Variants in ARK2C observed in about 807,000 individuals in gnomAD.
ARK2C encodes the protein E3 ubiquitin-protein ligase ARK2C.
the ARK2C span, among the ~76,000 whole-genome samples, chr18:46,353,396 G>A: frequency 1.1e-4 from 17 of 152,306 alleles, no homozygotes; most frequent in East Asian, 1.9e-4. Context: ...TGTCTGGGCC[G>A]TGAGTCAGGC....
the ARK2C span, chr18:46,336,082 G>T: frequency 1.0e-6 from 1 of 985,274 alleles, no homozygotes; most frequent in Non-Finnish European, 1.2e-6. Context: ...GAAGAAAGAG[G>T]GGGGCTGGAT....
the ARK2C span, among the ~76,000 whole-genome samples, chr18:46,420,161 A>G: frequency 6.6e-6 from 1 of 152,154 alleles, no homozygotes; most frequent in Non-Finnish European, 1.5e-5. Flanking sequence ...AAATCCCACC[A>G]TTAGAACTTC....
At chr18:46,350,455 G>A in the ARK2C span, among the ~76,000 whole-genome samples, 7 of 152,346 alleles carry the variant, frequency 4.6e-5, no homozygotes, top group East Asian at 5.8e-4. Context: ...TGTCAGTAGA[G>A]CATGAGAGAA....
the ARK2C span, among the ~76,000 whole-genome samples, chr18:46,403,296 T>A: frequency 6.6e-6 from 1 of 152,164 alleles, no homozygotes; most frequent in Non-Finnish European, 1.5e-5. Context: ...GTTAAGTAAC[T>A]GATGGAAATG....
At chr18:46,386,605 T>A in the ARK2C span, 1 of 152,180 alleles carries the variant, frequency 6.6e-6, no homozygotes, top group African/African-American at 2.4e-5. Flanking sequence ...CATCATTCCA[T>A]CCGGCAGATA....
chr18:46,334,442 G>A, the ARK2C span: 6 of 933,452 alleles, frequency 6.4e-6, no homozygotes, highest in Non-Finnish European at 8.8e-6. This position sits in a 1 kb window ranked among gnomAD's most constrained non-coding sequence, Gnocchi z 4.4. Flanking sequence ...CACCCGCGAG[G>A]ACGCAGGGCG....
chr18:46,347,475 C>A, the ARK2C span, among the ~76,000 whole-genome samples: 1 of 152,132 alleles, frequency 6.6e-6, no homozygotes, highest in Non-Finnish European at 1.5e-5. Flanking sequence ...GTGGAGGGGT[C>A]GCTGCTCGAG....
chr18:46,440,871 T>C, the ARK2C span, among the ~76,000 whole-genome samples: 2 of 152,168 alleles, frequency 1.3e-5, no homozygotes, highest in Admixed American at 1.3e-4. Context: ...GTTTTTTTTT[T>C]CCTTGAAATG....
the ARK2C span, among the ~76,000 whole-genome samples, chr18:46,402,947 G>A: frequency 3.3e-5 from 5 of 152,184 alleles, no homozygotes; most frequent in Admixed American, 3.3e-4. Flanking sequence ...AACACCATGG[G>A]TTTAATTAAT....
the ARK2C span, among the ~76,000 whole-genome samples, chr18:46,357,983 ACAGTGTCT>A: frequency 2.6e-5 from 4 of 152,104 alleles, no homozygotes; most frequent in Admixed American, 1.3e-4. Context: ...CTCTGTTGTC[ACAGTGTCT>A]CAGTGTCTCC....
the ARK2C span, among the ~76,000 whole-genome samples, chr18:46,406,780 G>A: frequency 1.3e-5 from 2 of 152,226 alleles, no homozygotes; most frequent in Non-Finnish European, 2.9e-5. Context: ...TCCTCATCCT[G>A]TCCCACAGGG....
At chr18:46,342,757 T>G in the ARK2C span, among the ~76,000 whole-genome samples, 1 of 152,228 alleles carries the variant, frequency 6.6e-6, no homozygotes, top group South Asian at 2.1e-4. Context: ...TGTATCTATG[T>G]TGTTTCATGG....
the ARK2C span, among the ~76,000 whole-genome samples, chr18:46,445,109 G>A: frequency 6.6e-6 from 1 of 152,044 alleles, no homozygotes; most frequent in Non-Finnish European, 1.5e-5. Flanking sequence ...TTTATTGAAT[G>A]ATGAACATCA....
chr18:46,441,327 C>T, the ARK2C span, among the ~76,000 whole-genome samples: 4 of 152,190 alleles, frequency 2.6e-5, no homozygotes, highest in South Asian at 6.2e-4. Flanking sequence ...CCAAATGATT[C>T]TCCTGCCTTA....
At chr18:46,338,969 C>T in the ARK2C span, among the ~76,000 whole-genome samples, 1 of 152,188 alleles carries the variant, frequency 6.6e-6, no homozygotes, top group Non-Finnish European at 1.5e-5. Context: ...TCCTCTCCCC[C>T]CATGGCTGCC....
At chr18:46,388,270 CA>C in the ARK2C span, among the ~76,000 whole-genome samples, 1,220 of 152,280 alleles carry the variant, frequency 8.0e-3, 15 homozygotes, top group African/African-American at 0.028. Context: ...ACCACTCATA[CA>C]GTATGCAAAA....
At chr18:46,450,287 A>C in the ARK2C span, 2 of 1,602,308 alleles carry the variant, frequency 1.2e-6, no homozygotes, top group Middle Eastern at 1.7e-4. Context: ...GGCGTTTTCT[A>C]CCCAACAGGT....
the ARK2C span, chr18:46,457,300 A>G: frequency 6.6e-6 from 1 of 152,086 alleles, no homozygotes; most frequent in Non-Finnish European, 1.5e-5. Context: ...TTTTCACCCA[A>G]TTTGGGAGGC....
chr18:46,346,327 G>A, the ARK2C span, among the ~76,000 whole-genome samples: 1 of 152,240 alleles, frequency 6.6e-6, no homozygotes, highest in Non-Finnish European at 1.5e-5. Flanking sequence ...CCATTTAAAA[G>A]TGTACTACAA....
Sources: gnomAD v4.1 joint callset for allele counts (sites outside exome capture counted in the v4.1 genomes callset) on GRCh38, gnomAD v4.1.1 for gene constraint, Gnocchi (gnomAD v3.1) non-coding constraint, MANE v1.5 for transcripts, NCBI Gene and HGNC (gene_info 2026-07-23, HGNC 2026-07-21) for gene names.